Variants in CRTAM observed in about 807,000 individuals in gnomAD.
CRTAM encodes the protein cytotoxic and regulatory T-cell molecule.
A neutral mutation model predicts 50.0 loss-of-function variants in CRTAM; 44 were observed. The ratio of observed to expected loss-of-function variants is 0.88; its 90% CI spans 0.69 to 1.13. The LOEUF (loss-of-function observed/expected upper bound fraction) is 1.13, where lower values mean the gene tolerates loss of function less well. Ranked by LOEUF, CRTAM falls within the 50% of genes most tolerant of loss-of-function variation. The pLI is 0.00. For missense variants in CRTAM, 448 were observed against 457.5 expected, an observed-to-expected ratio of 0.98 and a Z score of 0.19; for synonymous variants, 159 against 169.3, an observed-to-expected ratio of 0.94 and a Z score of 0.47.
chr11:122,864,171 T>C (rs1313776696), intron 6 of CRTAM, among the ~76,000 whole-genome samples: 1 of 152,178 alleles, frequency 6.6e-6, no homozygotes, highest in Non-Finnish European at 1.5e-5. Flanking sequence ...TTCCTCGGTG[T>C]TCAGTTGTTA....
chr11:122,838,512 A>C lies in CRTAM; in HGVS notation c.-35A>C. ...CTCCATTTGTCTCAGAATCTAGAGG[A>C]AGTTGACAAAGGTGCCACAGCAGCA... On this transcript the variant is annotated 5_prime_UTR_variant, in exon 1 of 10. Coordinates refer to ENST00000227348, the MANE Select transcript of CRTAM (RefSeq NM_019604.4). 1 of 1,609,810 alleles carries C rather than the reference A, an allele frequency of 6.2e-7. No homozygotes were observed. The highest frequency in any genetic ancestry group is 8.5e-7 in the Non-Finnish European group (1 of 1,177,178).
At chr11:122,859,649 T>C (rs1862048073) in intron 5 of CRTAM, among the ~76,000 whole-genome samples, 1 of 152,242 alleles carries the variant, frequency 6.6e-6, no homozygotes, top group Admixed American at 6.5e-5. Context: ...AATATTTTAA[T>C]AGCTGGTTCA....
intron 3 of CRTAM, 59 bp downstream of exon 3, chr11:122,851,904 G>T (rs903715973): frequency 1.0e-5 from 15 of 1,499,996 alleles, no homozygotes; most frequent in Non-Finnish European, 1.2e-5. Flanking sequence ...ACGATATGTC[G>T]TTTTTAAACT....
intron 1 of CRTAM, among the ~76,000 whole-genome samples, chr11:122,841,864 A>C (rs531574038): frequency 6.6e-6 from 1 of 152,340 alleles, no homozygotes; most frequent in African/African-American, 2.4e-5. Context: ...GCTGTAATAG[A>C]AGTATATCTC....
At chr11:122,860,129 C>T (rs1391898255) in intron 5 of CRTAM, among the ~76,000 whole-genome samples, 3 of 152,144 alleles carry the variant, frequency 2.0e-5, no homozygotes, top group African/African-American at 7.2e-5. Flanking sequence ...CTCACTGCAA[C>T]CTCTGCCTCC....
At chr11:122,867,321 A>G in intron 7 of CRTAM, 88 bp from the exon 8 acceptor site, 1 of 1,176,344 alleles carries the variant, frequency 8.5e-7, no homozygotes, top group Non-Finnish European at 1.2e-6. Context: ...CTTATATCAC[A>G]TTGTAGAAGT....
chr11:122,859,244 C>T (rs1280226927), intron 5 of CRTAM, among the ~76,000 whole-genome samples: 1 of 151,920 alleles, frequency 6.6e-6, no homozygotes, highest in South Asian at 2.1e-4. Flanking sequence ...GAGTAGCTGG[C>T]ATTACAGGCT....
intron 8 of CRTAM, 40 bp downstream of exon 8, chr11:122,867,595 A>G (rs1348853602): frequency 6.3e-7 from 1 of 1,584,676 alleles, no homozygotes; most frequent in Non-Finnish European, 8.6e-7. Context: ...ATAAGACGCC[A>G]GAACAAATGG....
chr11:122,845,150 G>T (rs1027000552), intron 1 of CRTAM, among the ~76,000 whole-genome samples: 1 of 152,150 alleles, frequency 6.6e-6, no homozygotes, highest in Non-Finnish European at 1.5e-5. Flanking sequence ...AGTGAGTTAG[G>T]AAGGGAGTCA....
At chr11:122,861,404 ATATATATATATATATATTTTTTTTT>A (rs1862075093) in intron 5 of CRTAM, among the ~76,000 whole-genome samples, 2 of 16,282 alleles carry the variant, frequency 1.2e-4, no homozygotes, top group African/African-American at 2.7e-4. Flanking sequence ...ATATATATAT[ATATATATATATATATATTTTTTTTT>A]TTTTTTTTTT....
chr11:122,858,574 G>C (rs913724684), intron 5 of CRTAM, among the ~76,000 whole-genome samples: 2 of 152,074 alleles, frequency 1.3e-5, no homozygotes, highest in African/African-American at 4.8e-5. Context: ...CTGTAGCCCA[G>C]GCTGGAGTGC....
chr11:122,848,131 G>A (rs1461562674), intron 1 of CRTAM, among the ~76,000 whole-genome samples: 1 of 152,184 alleles, frequency 6.6e-6, no homozygotes, highest in Non-Finnish European at 1.5e-5. Flanking sequence ...CACGAATTCC[G>A]AGTTAATTAG....
chr11:122,866,415 TTTG>T (rs1297417576), intron 7 of CRTAM, among the ~76,000 whole-genome samples: 4 of 152,110 alleles, frequency 2.6e-5, no homozygotes, highest in Admixed American at 6.5e-5. Context: ...CTTACTTTTG[TTTG>T]TTTTTATTAA....
chr11:122,848,745 G>T (rs1861895789), intron 1 of CRTAM, among the ~76,000 whole-genome samples: 1 of 152,134 alleles, frequency 6.6e-6, no homozygotes, highest in Non-Finnish European at 1.5e-5. Flanking sequence ...GGTTTAAGAT[G>T]ATGCCGTAAA....
intron 4 of CRTAM, 36 bp downstream of exon 4, chr11:122,854,122 T>C: frequency 6.3e-7 from 1 of 1,593,766 alleles, no homozygotes. Flanking sequence ...TCTTCCTTCC[T>C]ACTCAAATTT....
rs776570229 is a variant in CRTAM, at chr11:122,851,706, C to T, written c.207C>T (p.Ser69=). Residue 69 remains serine, a synonymous_variant, in exon 3 of 10, where the codon TCC becomes TCT. Transcript: ENST00000227348. Reference sequence around the variant, plus strand: ...CCTCTTGTACAGCTTTAAAAAATTCCAAATACCAGCTTCTTCATCACTCGG... The same window carrying T: ...CCTCTTGTACAGCTTTAAAAAATTCTAAATACCAGCTTCTTCATCACTCGG... The part of the protein sequence containing the change: ...FLNEYPALKN[S]KYQLLHHSAN... The T allele has an allele frequency of 1.2e-6, 2 of 1,613,626 alleles. No individual in the cohort carries two copies. The highest frequency in any genetic ancestry group is 1.7e-6 in the Non-Finnish European group (2 of 1,179,764).
Position 122,867,592 on chromosome 11 carries a change from G to A in CRTAM, c.964+37G>A, listed in dbSNP as rs116385810. The A allele has an allele frequency of 1.7e-3, 2,724 of 1,589,876 alleles. 48 individuals are homozygous for A. In the African/African-American group the frequency reaches 0.031, roughly 18 times the overall value. Reference sequence around the variant, plus strand: ...GGGAACCTGACGGGGGCTATAAGACGCCAGAACAAATGGCTAAAAAAAAGG... The same window carrying A: ...GGGAACCTGACGGGGGCTATAAGACACCAGAACAAATGGCTAAAAAAAAGG... On this transcript the variant is annotated intron_variant, in intron 8 of 9. Transcript: ENST00000227348.
chr11:122,864,751 A>C, intron 7 of CRTAM, 32 bp downstream of exon 7: 4 of 1,489,204 alleles, frequency 2.7e-6, no homozygotes, highest in East Asian at 4.5e-5. Context: ...TAGAATAAAC[A>C]CTCGACATTT....
chr11:122,845,523 G>A (rs570646801), intron 1 of CRTAM, among the ~76,000 whole-genome samples: 231 of 152,064 alleles, frequency 1.5e-3, no homozygotes, highest in African/African-American at 5.3e-3. Flanking sequence ...AGGACAACAT[G>A]GTAAAACTCC....
Sources: allele counts gnomAD v4.1 joint callset (sites outside exome capture counted in the v4.1 genomes callset), GRCh38; gene constraint gnomAD v4.1.1; transcripts MANE v1.5; gene names NCBI Gene and HGNC (gene_info 2026-07-23, HGNC 2026-07-21).